Variants in DGKI observed in about 807,000 individuals in gnomAD.
DGKI encodes the protein DAG kinase iota.
A neutral mutation model predicts 147.5 loss-of-function variants in DGKI; 55 were observed. That is an observed-to-expected ratio of 0.37 (90% CI 0.30 to 0.47). DGKI has a LOEUF of 0.47. Among genes scored for constraint, DGKI ranks in the 20% least tolerant of loss-of-function variants. The pLI, the probability that DGKI is intolerant of heterozygous loss-of-function variation, is 1.00. For synonymous variants in DGKI, 469 were observed against 477.1 expected (o/e 0.98, Z 0.22); for missense variants, 1,007 against 1,323.8 (o/e 0.76, Z 3.71).
At chr7:137,765,566 G>T (rs1054036283) in intron 1 of DGKI, among the ~76,000 whole-genome samples, 2 of 152,170 alleles carry the variant, frequency 1.3e-5, no homozygotes, top group African/African-American at 4.8e-5. Context: ...GATATTCCTT[G>T]TCTTGTCTGT....
chr7:137,592,170 A>G (rs1019566038), intron 12 of DGKI, among the ~76,000 whole-genome samples: 2 of 152,196 alleles, frequency 1.3e-5, no homozygotes, highest in Non-Finnish European at 2.9e-5. Flanking sequence ...CTGCACATTG[A>G]AAGGTTCTAT....
chr7:137,833,550 G>A (rs1208165887), intron 1 of DGKI, among the ~76,000 whole-genome samples: 1 of 152,190 alleles, frequency 6.6e-6, no homozygotes, highest in Non-Finnish European at 1.5e-5. Flanking sequence ...AATTCAAGAT[G>A]AGATTTGGGT....
At chr7:137,398,163 G>C (rs1811621790) in intron 30 of DGKI, among the ~76,000 whole-genome samples, 1 of 152,056 alleles carries the variant, frequency 6.6e-6, no homozygotes, top group Non-Finnish European at 1.5e-5. Flanking sequence ...TTAAACACCT[G>C]CCTATACAAT....
chr7:137,557,665 G>C (rs1525044), intron 19 of DGKI, among the ~76,000 whole-genome samples: 1 of 152,080 alleles, frequency 6.6e-6, no homozygotes, highest in South Asian at 2.1e-4. Context: ...GCAATAGCTA[G>C]TAATTCCTTT....
At chr7:137,450,335 T>C (rs77630314) in intron 27 of DGKI, among the ~76,000 whole-genome samples, 2,200 of 152,334 alleles carry the variant, frequency 0.014, 54 homozygotes, top group African/African-American at 0.05. Context: ...ATACGTTAAT[T>C]AGCTACATAA....
At chr7:137,669,544 C>T (rs916185677) in intron 3 of DGKI, among the ~76,000 whole-genome samples, 2 of 152,172 alleles carry the variant, frequency 1.3e-5, no homozygotes, top group Non-Finnish European at 2.9e-5. Flanking sequence ...CAGGACCATA[C>T]AATATCCAAT....
intron 1 of DGKI, among the ~76,000 whole-genome samples, chr7:137,749,150 T>C (rs1292667287): frequency 6.6e-6 from 1 of 152,216 alleles, no homozygotes; most frequent in Non-Finnish European, 1.5e-5. Flanking sequence ...TTTATTTCAA[T>C]AAACAGTAAA....
At chr7:137,575,014 G>T (rs1398175047) in intron 17 of DGKI, among the ~76,000 whole-genome samples, 1 of 152,110 alleles carries the variant, frequency 6.6e-6, no homozygotes, top group Admixed American at 6.5e-5. Flanking sequence ...GGAAAACATA[G>T]AATGATGTCA....
chr7:137,650,568 T>C (rs1282713838), intron 5 of DGKI, among the ~76,000 whole-genome samples: 2 of 151,954 alleles, frequency 1.3e-5, no homozygotes. Context: ...GTAATGAGAG[T>C]AGACTCTTCA....
intron 15 of DGKI, among the ~76,000 whole-genome samples, chr7:137,580,880 T>C (rs1255489797): frequency 6.6e-6 from 1 of 152,094 alleles, no homozygotes; most frequent in Non-Finnish European, 1.5e-5. Context: ...GGGAAAAAAG[T>C]AAAGTACTTC....
chr7:137,651,362 G>T (rs1000267294), intron 5 of DGKI, among the ~76,000 whole-genome samples: 2 of 152,148 alleles, frequency 1.3e-5, no homozygotes, highest in Admixed American at 1.3e-4. Flanking sequence ...GACAGGACAG[G>T]CAAATGAATT....
intron 5 of DGKI, among the ~76,000 whole-genome samples, chr7:137,648,212 G>A (rs928067108): frequency 5.3e-5 from 8 of 152,086 alleles, no homozygotes; most frequent in Admixed American, 4.6e-4. Context: ...TATCATTGAT[G>A]GTCAGAAAAA....
intron 10 of DGKI, among the ~76,000 whole-genome samples, chr7:137,604,333 T>C (rs1436756366): frequency 1.3e-5 from 2 of 152,218 alleles, no homozygotes; most frequent in East Asian, 3.8e-4. Flanking sequence ...TGCAAAAAAG[T>C]AACTACTTCA....
rs78610567 is a variant in DGKI at position 137,621,577 on chromosome 7, G to A, written c.877-1637C>T. 2.4e-3 allele frequency among the ~76,000 whole-genome samples: 358 copies of A among 152,258 alleles called. 2 individuals are homozygous for A. The South Asian group carries it at 0.024, about 10-fold the overall frequency. On this transcript the variant is annotated intron_variant, in intron 7 of 32. Coordinates refer to ENST00000614521, the MANE Select transcript of DGKI (RefSeq NM_001321708.2). ...CCTGGACTGTGAAAACATATCAACC[G>A]CTGTAATTTGTGTTCAAATCTTTTG...
chr7:137,830,794 A>C (rs973037059), intron 1 of DGKI, among the ~76,000 whole-genome samples: 40 of 152,356 alleles, frequency 2.6e-4, no homozygotes, highest in Non-Finnish European at 3.1e-4. Context: ...TAAAAAAATT[A>C]AGGAGTCAGT....
chr7:137,567,662 C>T (rs1728453), intron 19 of DGKI, among the ~76,000 whole-genome samples: 25,661 of 151,950 alleles, frequency 0.17, 3,758 homozygotes, highest in African/African-American at 0.4. Context: ...ATCTGGATTC[C>T]GACTCAAAGA....
At chr7:137,619,129 C>T (rs1323837308) in intron 8 of DGKI, among the ~76,000 whole-genome samples, 3 of 152,082 alleles carry the variant, frequency 2.0e-5, no homozygotes, top group Non-Finnish European at 2.9e-5. Context: ...ATCTGCCATC[C>T]CATAACTTGA....
intron 28 of DGKI, among the ~76,000 whole-genome samples, chr7:137,413,287 A>G (rs1045315001): frequency 4.2e-5 from 6 of 141,544 alleles, no homozygotes; most frequent in East Asian, 2.0e-4. Flanking sequence ...AAAAAAAAAA[A>G]TTCATTTTTA....
chr7:137,772,781 T>C (rs1355205693), intron 1 of DGKI, among the ~76,000 whole-genome samples: 1 of 152,272 alleles, frequency 6.6e-6, no homozygotes, highest in Non-Finnish European at 1.5e-5. Context: ...AAACATATAT[T>C]GTTTGCATTA....
Sources: gnomAD v4.1 joint callset for allele counts (sites outside exome capture counted in the v4.1 genomes callset) on GRCh38, gnomAD v4.1.1 for gene constraint, MANE v1.5 for transcripts, NCBI Gene and HGNC (gene_info 2026-07-23, HGNC 2026-07-21) for gene names.